TRMT9B: variants seen among roughly 807,000 people sequenced by gnomAD.
The protein encoded by TRMT9B is tRNA methyltransferase 9B (putative).
A neutral mutation model predicts 11.5 loss-of-function variants in TRMT9B; 16 were observed. The ratio of observed to expected loss-of-function variants is 1.39; its 90% CI spans 0.94 to 2.11. The LOEUF (loss-of-function observed/expected upper bound fraction) is 2.11, where lower values mean the gene tolerates loss of function less well. Among genes scored for constraint, TRMT9B ranks in the 30% most tolerant of loss-of-function variants. The pLI is 0.00. For synonymous variants in TRMT9B, 274 were observed against 192.4 expected, an observed-to-expected ratio of 1.42 and a Z score of -3.51; for missense variants, 941 against 553.8, an observed-to-expected ratio of 1.70 and a Z score of -7.02.
At chr8:12,949,082 C>T (rs183673275) in intron 1 of TRMT9B, among the ~76,000 whole-genome samples, 2 of 152,308 alleles carry the variant, frequency 1.3e-5, no homozygotes, top group Admixed American at 6.5e-5. Flanking sequence ...ATTGTTTCTA[C>T]ATAGACTCTA....
Position 13,021,553 on chromosome 8 carries a change from T to G in TRMT9B, c.874T>G (p.Leu292Val), listed in dbSNP as rs503550. Residue 292 changes from leucine to valine, a missense_variant, in exon 5 of 5, where the codon TTA becomes GTA. Coordinates refer to ENST00000524591, the MANE Select transcript of TRMT9B (RefSeq NM_020844.3). ...AGTCCAGCCTTCCAGACACTCTAGT[T>G]TAGACTTTGATCACCAAGAGCCATT... ...VTVQPSRHSS[L>V]DFDHQEPFST... The G allele has an allele frequency of 2.5e-6, 4 of 1,613,714 alleles. No individual in the cohort carries two copies. Among genetic ancestry groups the G allele is most frequent in the Non-Finnish European group, 3.4e-6 (4 of 1,179,840 alleles).
intron 1 of TRMT9B, among the ~76,000 whole-genome samples, chr8:12,967,795 G>A (rs371359657): frequency 1.0e-3 from 156 of 152,318 alleles, no homozygotes; most frequent in African/African-American, 3.1e-3. Context: ...TTAACAAATG[G>A]GTTTTGAAGC....
At position 13,022,865 on chromosome 8, in the gene TRMT9B, C is replaced by T. The variant is rs546538041; in HGVS notation, c.*821C>T. 6.0e-6 allele frequency: 1 copy of T among 166,156 alleles called. No homozygotes were observed. The highest frequency in any genetic ancestry group is 1.5e-5 in the Non-Finnish European group (1 of 68,116). 10.3% of individuals were successfully genotyped at this position (166,156 alleles called of 1,614,324 possible). ...AGATGTGGTGGTGCATGCCTGTCAT[C>T]CAAGCTACTCAAGAGACTGAGGCAG... On this transcript the variant is annotated 3_prime_UTR_variant, in exon 5 of 5. Transcript: ENST00000524591.
chr8:12,950,402 T>G (rs1443394575), intron 1 of TRMT9B, among the ~76,000 whole-genome samples: 2 of 152,306 alleles, frequency 1.3e-5, no homozygotes, highest in East Asian at 3.9e-4. Flanking sequence ...ACAAGGAACA[T>G]CACAGTATCC....
At chr8:13,009,207 T>C (rs939629273) in intron 3 of TRMT9B, among the ~76,000 whole-genome samples, 1 of 151,998 alleles carries the variant, frequency 6.6e-6, no homozygotes, top group African/African-American at 2.4e-5. Context: ...ACAGTTGGAC[T>C]CATAGAAGGA....
intron 2 of TRMT9B, among the ~76,000 whole-genome samples, chr8:13,001,182 C>T (rs1296056719): frequency 2.0e-5 from 3 of 152,208 alleles, no homozygotes; most frequent in Non-Finnish European, 4.4e-5. Flanking sequence ...CTCCCTAACA[C>T]AGACTCCAAG....
At chr8:13,014,268 G>A (rs532346403) in intron 4 of TRMT9B, among the ~76,000 whole-genome samples, 1 of 152,176 alleles carries the variant, frequency 6.6e-6, no homozygotes, top group African/African-American at 2.4e-5. Flanking sequence ...TAAGAGGATT[G>A]TCTTAGCCTT....
chr8:13,014,164 G>C (rs1264088707), intron 4 of TRMT9B, among the ~76,000 whole-genome samples: 4 of 152,158 alleles, frequency 2.6e-5, no homozygotes, highest in African/African-American at 9.7e-5. Context: ...CTTGGAACTA[G>C]TAAGGACTGG....
At chr8:13,012,510 G>C (rs1315325299) in intron 3 of TRMT9B, 174 bp from the exon 4 acceptor site, 1 of 799,618 alleles carries the variant, frequency 1.3e-6, no homozygotes, top group South Asian at 2.2e-5. Flanking sequence ...GTGAGGCAGA[G>C]GTTGCAGTGA....
At chr8:13,005,169 C>T (rs915790328) in intron 2 of TRMT9B, among the ~76,000 whole-genome samples, 5 of 151,842 alleles carry the variant, frequency 3.3e-5, no homozygotes, top group African/African-American at 1.2e-4. Flanking sequence ...ATTATGTTAG[C>T]TGAAATCAGT....
Position 13,025,966 on chromosome 8 carries a change from G to T in TRMT9B, c.*3922G>T, listed in dbSNP as rs1814639584. 6.0e-6 allele frequency: 1 copy of T among 166,850 alleles called. No individual in the cohort carries two copies. 10.3% of individuals were successfully genotyped at this position (166,850 alleles called of 1,614,324 possible). A position where few individuals can be genotyped will look rare whatever the true frequency, so the allele number is the denominator to read the frequency against. Reference sequence around the variant, plus strand: ...ACCAGCTAGGAACATGAATGCCCCTGATTATTAATGGCCAAAAAAAAAGCA... The same window carrying T: ...ACCAGCTAGGAACATGAATGCCCCTTATTATTAATGGCCAAAAAAAAAGCA... On this transcript the variant is annotated 3_prime_UTR_variant, in exon 5 of 5. Transcript: ENST00000524591.
At chr8:12,968,390 G>T (rs1014174229) in intron 1 of TRMT9B, among the ~76,000 whole-genome samples, 1 of 152,162 alleles carries the variant, frequency 6.6e-6, no homozygotes, top group African/African-American at 2.4e-5. Context: ...GGTTGGAATT[G>T]CTGTAAAAGG....
In TRMT9B at chr8:12,982,768, T is replaced by C. The variant is rs552343905; in HGVS notation, c.-199-8066T>C. Among the ~76,000 whole-genome samples, 5 of 152,302 alleles carry C rather than the reference T, an allele frequency of 3.3e-5. No individual in the cohort carries two copies. The East Asian group carries it at 9.7e-4, about 29-fold the overall frequency. ...TCTGAAATGCTCAAAAATTTGAAAC[T>C]TTTTGAGTGACCACATGATGCCACA... On this transcript the variant is annotated intron_variant, in intron 1 of 4. Transcript: ENST00000524591.
Position 13,024,697 on chromosome 8 carries a change from T to G in TRMT9B, c.*2653T>G, listed in dbSNP as rs1013200040. On this transcript the variant is annotated 3_prime_UTR_variant, in exon 5 of 5. Coordinates refer to ENST00000524591, the MANE Select transcript of TRMT9B (RefSeq NM_020844.3). ...GTATGAAAGGGTTCTCTAGAACGGT[T>G]CTTTGGAGAGAAATATTTTCATGTA... 1 of 167,080 alleles carries G rather than the reference T, an allele frequency of 6.0e-6. No homozygotes were observed. The highest frequency in any genetic ancestry group is 1.5e-5 in the Non-Finnish European group (1 of 68,124). The allele number at this position is 167,080 out of a possible 1,614,324, so 10.3% of individuals were successfully genotyped here.
At chr8:13,015,555 T>C (rs2460336) in intron 4 of TRMT9B, among the ~76,000 whole-genome samples, 9,649 of 131,452 alleles carry the variant, frequency 0.073, 377 homozygotes, top group African/African-American at 0.12. Flanking sequence ...GGGGTTGCCA[T>C]ATTGTCCAGG....
At chr8:12,972,016 T>C (rs1803712088) in intron 1 of TRMT9B, among the ~76,000 whole-genome samples, 1 of 152,184 alleles carries the variant, frequency 6.6e-6, no homozygotes, top group South Asian at 2.1e-4. Context: ...ATTGTTTTCA[T>C]GTTTTGCACA....
intron 1 of TRMT9B, among the ~76,000 whole-genome samples, chr8:12,987,684 C>T (rs539988340): frequency 1.7e-3 from 83 of 48,854 alleles, no homozygotes; most frequent in African/African-American, 5.6e-3. Context: ...AGAATGAATA[C>T]CCTGTCTCAA....
At position 13,022,829 on chromosome 8, in the gene TRMT9B, A is replaced by G. The variant is rs1224428199; in HGVS notation, c.*785A>G. 6.0e-6 allele frequency: 1 copy of G among 165,550 alleles called. No individual in the cohort carries two copies. Among genetic ancestry groups the G allele is most frequent in the Non-Finnish European group, 1.5e-5 (1 of 68,122 alleles). The allele number at this position is 165,550 out of a possible 1,614,324, so 10.3% of individuals were successfully genotyped here. On this transcript the variant is annotated 3_prime_UTR_variant, in exon 5 of 5. Coordinates refer to ENST00000524591, the MANE Select transcript of TRMT9B (RefSeq NM_020844.3). ...CAACATAGCAAGACCCCATCTCTATAAAAATTAGCAAGATGTGGTGGTGCA... is the reference window on the plus strand; with the variant it reads ...CAACATAGCAAGACCCCATCTCTATGAAAATTAGCAAGATGTGGTGGTGCA...
intron 1 of TRMT9B, among the ~76,000 whole-genome samples, chr8:12,983,970 G>T (rs567730398): frequency 6.6e-6 from 1 of 152,200 alleles, no homozygotes; most frequent in South Asian, 2.1e-4. Flanking sequence ...ATTTAAGTGT[G>T]AATAAGTATA....
Sources: allele counts gnomAD v4.1 joint callset (sites outside exome capture counted in the v4.1 genomes callset), GRCh38; gene constraint gnomAD v4.1.1; transcripts MANE v1.5; gene names NCBI Gene and HGNC (gene_info 2026-07-23, HGNC 2026-07-21).